Variants in DYNC2H1 observed in about 807,000 individuals in gnomAD.
DYNC2H1 encodes dynein cytoplasmic 2 heavy chain 1.
In DYNC2H1, 410 loss-of-function variants were observed where a neutral mutation model predicts 570.0. The ratio of observed to expected loss-of-function variants is 0.72; its 90% CI spans 0.66 to 0.78. The LOEUF (loss-of-function observed/expected upper bound fraction) is 0.78. Among genes scored for constraint, DYNC2H1 ranks in the 30% least tolerant of loss-of-function variants. DYNC2H1 has a pLI of 0.00. For synonymous variants in DYNC2H1, 1,688 were observed against 1,677.6 expected, an observed-to-expected ratio of 1.01 and a Z score of -0.15; for missense variants, 4,865 against 5,046.4, an observed-to-expected ratio of 0.96 and a Z score of 1.09.
rs1460765042 is a variant in DYNC2H1, at chr11:103,163,162, G to T, written c.4611+15G>T. The stretch of plus-strand genomic sequence containing the variant: ...TCCCTTCACAGGTAAGGGGGCTTAC[G>T]TGTAGAAGCTACATAGGCATGGAAC... On this transcript the variant is annotated intron_variant, in intron 30 of 88. Coordinates refer to ENST00000375735, the MANE Select transcript of DYNC2H1 (RefSeq NM_001377.3). This position sits in a 1 kb window ranked among gnomAD's most constrained non-coding sequence, Gnocchi z 4.6. The T allele has an allele frequency of 3.7e-6, 6 of 1,604,350 alleles. No individual in the cohort carries two copies. Among genetic ancestry groups the T allele is most frequent in the Admixed American group, 1.7e-5 (1 of 59,384 alleles).
At position 103,432,169 on chromosome 11, in the gene DYNC2H1, T is replaced by C. The variant is rs550658688; in HGVS notation, c.12367-3774T>C. On this transcript the variant is annotated intron_variant, in intron 84 of 88. Transcript: ENST00000375735. ...GTTGTCATATAAAATCCACTTTTGA[T>C]TGTATATCACAATCCGACTGACAAA... Among the ~76,000 whole-genome samples the C allele has an allele frequency of 8.8e-4, 134 of 152,122 alleles. 1 individual carries two copies. The highest frequency in any genetic ancestry group is 1.7e-3 in the Non-Finnish European group (113 of 68,026).
At chr11:103,301,108 A>G (rs748117627) in intron 75 of DYNC2H1, among the ~76,000 whole-genome samples, 2 of 151,902 alleles carry the variant, frequency 1.3e-5, no homozygotes, top group Non-Finnish European at 2.9e-5. Context: ...ATACATTACA[A>G]TATGGAATTA....
Position 103,342,518 on chromosome 11 carries a change from T to C in DYNC2H1, c.12040-15725T>C, listed in dbSNP as rs1939511519. ...TTGAGTCTGTGCCACCTTTTTTTTT[T>C]TTGAGATGGGGGCTCGCTCTGTTGC... On this transcript the variant is annotated intron_variant, in intron 82 of 88. Transcript: ENST00000375735. Among the ~76,000 whole-genome samples, 3 of 151,994 alleles carry C rather than the reference T, an allele frequency of 2.0e-5. 1 individual carries two copies. In the South Asian group the frequency reaches 6.2e-4, roughly 32 times the overall value.
At chr11:103,323,817 C>T in intron 81 of DYNC2H1, 69 bp from the exon 82 acceptor site, 1 of 1,152,556 alleles carries the variant, frequency 8.7e-7, no homozygotes. Flanking sequence ...AGTATTCTTT[C>T]TTATTTCAAT....
intron 84 of DYNC2H1, among the ~76,000 whole-genome samples, chr11:103,416,312 TAATA>T (rs1462690078): frequency 6.6e-6 from 1 of 151,812 alleles, no homozygotes; most frequent in Non-Finnish European, 1.5e-5. Flanking sequence ...TAATAATTAA[TAATA>T]AAAAAGAAAA....
intron 77 of DYNC2H1, 28 bp from the exon 78 acceptor site, chr11:103,307,693 A>G (rs774801429): frequency 5.4e-6 from 7 of 1,295,158 alleles, no homozygotes; most frequent in Non-Finnish European, 3.2e-6. Context: ...TATTTAAGTA[A>G]ATTTTTGTCA....
At chr11:103,477,592 G>A (rs1385580839) in intron 88 of DYNC2H1, among the ~76,000 whole-genome samples, 1 of 151,988 alleles carries the variant, frequency 6.6e-6, no homozygotes. Flanking sequence ...AGCACTTTGG[G>A]AGGCCGAGGC....
In DYNC2H1 at chr11:103,198,024, A is replaced by T; in HGVS notation, c.7800A>T (p.Gly2600=). 1 of 1,554,022 alleles carries T rather than the reference A, an allele frequency of 6.4e-7. No homozygotes were observed. Residue 2600 remains glycine, a synonymous_variant, in exon 48 of 89, where the codon GGA becomes GGT. Coordinates refer to ENST00000375735, the MANE Select transcript of DYNC2H1 (RefSeq NM_001377.3). ...TACCTCCACATGGAAAACCACTTGGAAAACTAAACTCTACTGATCTCAAGG... is the reference window on the plus strand; with the variant it reads ...TACCTCCACATGGAAAACCACTTGGTAAACTAAACTCTACTGATCTCAAGG... The part of the protein sequence containing the change: ...QPLPPHGKPL[G]KLNSTDLKDV...
In DYNC2H1 at chr11:103,201,949, A is replaced by G. The variant is rs1392638196; in HGVS notation, c.8198-1714A>G. 2.6e-5 allele frequency among the ~76,000 whole-genome samples: 4 copies of G among 152,306 alleles called. No homozygotes were observed. Among genetic ancestry groups the G allele is most frequent in the Admixed American group, 6.5e-5 (1 of 15,298 alleles). ...TGTGGGGATCAAAGGACAAAGTTAT[A>G]TGAACTCATTTTCAACTCAGTTTTC... On this transcript the variant is annotated intron_variant, in intron 50 of 88. Transcript: ENST00000375735. The surrounding 1 kb of genome is among the most constrained non-coding windows in gnomAD (Gnocchi z 4.8).
At chr11:103,404,375 T>A (rs1942775257) in intron 84 of DYNC2H1, 2 of 151,368 alleles carry the variant, frequency 1.3e-5, no homozygotes, top group South Asian at 4.2e-4. Flanking sequence ...AAAGTCACTC[T>A]AAATTAGTAG....
intron 79 of DYNC2H1, among the ~76,000 whole-genome samples, chr11:103,313,512 C>T (rs775276625): frequency 2.0e-5 from 3 of 152,162 alleles, no homozygotes; most frequent in Admixed American, 2.0e-4. Flanking sequence ...CTTTCCCCCT[C>T]ATGCTGCTCC....
rs187777169 is a variant in DYNC2H1 at position 103,167,452 on chromosome 11, G to A, written c.4763-1303G>A. Among the ~76,000 whole-genome samples the A allele has an allele frequency of 4.6e-3, 699 of 151,958 alleles. 13 individuals are homozygous for A. Among genetic ancestry groups the A allele is most frequent in the Non-Finnish European group, 3.4e-3 (230 of 67,942 alleles). ...CTGGCTGACTTTTTTATTTTTTGTA[G>A]AGACATGGTTTTGCCATGTTGCCCG... On this transcript the variant is annotated intron_variant, in intron 31 of 88. Coordinates refer to ENST00000375735, the MANE Select transcript of DYNC2H1 (RefSeq NM_001377.3).
rs1863610916 is a variant in DYNC2H1 at position 103,222,127 on chromosome 11, A to G, written c.9205A>G (p.Lys3069Glu). The G allele has an allele frequency of 6.3e-7, 1 of 1,581,948 alleles. No homozygotes were observed. The highest frequency in any genetic ancestry group is 1.4e-5 in the African/African-American group (1 of 73,744). ...IRESVEELLF[K>E]NKGSFDPKNA... ...AGAGAGTGTTGAAGAACTTCTTTTT[A>G]AAAATAAAGGCTCTTTTGATCCAAA... The change falls in exon 58 of 89, where the codon AAA (lysine) becomes GAA (glutamate). Residue 3069 changes from lysine (K) to glutamate (E), a missense_variant. This residue lies in a region of DYNC2H1 where 2,401 missense variants were observed against 2,454.6 expected (regional missense o/e 0.98). Transcript: ENST00000375735.
chr11:103,389,722 A>C (rs976314327), intron 83 of DYNC2H1, among the ~76,000 whole-genome samples: 1 of 151,700 alleles, frequency 6.6e-6, no homozygotes, highest in African/African-American at 2.4e-5. Flanking sequence ...GTTTCAAAGA[A>C]CATCTTTATT....
chr11:103,227,942 CTT>C (rs2135173946), intron 59 of DYNC2H1, among the ~76,000 whole-genome samples: 1 of 152,222 alleles, frequency 6.6e-6, no homozygotes, highest in African/African-American at 2.4e-5. Flanking sequence ...TAATGTCCCT[CTT>C]TGTCTTTTTT....
At chr11:103,193,476 T>C (rs613216) in intron 47 of DYNC2H1, among the ~76,000 whole-genome samples, 4,727 of 152,198 alleles carry the variant, frequency 0.031, 244 homozygotes, top group African/African-American at 0.11. Flanking sequence ...ACTCAATAAA[T>C]AAAATATGTC....
rs370946164 is a variant in DYNC2H1, at chr11:103,326,337, T to C, written c.12039+2347T>C. 3.3e-5 allele frequency among the ~76,000 whole-genome samples: 5 copies of C among 152,142 alleles called. No individual in the cohort carries two copies. Among genetic ancestry groups the C allele is most frequent in the African/African-American group, 1.2e-4 (5 of 41,438 alleles). On this transcript the variant is annotated intron_variant, in intron 82 of 88. Transcript: ENST00000375735. This position sits in a 1 kb window ranked among gnomAD's most constrained non-coding sequence, Gnocchi z 6.1. ...CCTTCCCCGGGTTTCTTTTGCTATG[T>C]GTTCGGGGTGGTTGGGCTCCCTCTG...
intron 70 of DYNC2H1, among the ~76,000 whole-genome samples, chr11:103,271,900 G>A (rs600838): frequency 0.055 from 8,423 of 152,174 alleles, 312 homozygotes; most frequent in East Asian, 0.13. Flanking sequence ...TTAGAATGGC[G>A]ATCATTAAAA....
rs1375200693 is a variant in DYNC2H1 at position 103,204,204 on chromosome 11, C to T, written c.8311+428C>T. The stretch of plus-strand genomic sequence containing the variant: ...TATCATGAGAATAGCATGGGAAATA[C>T]CTGCCCCGCTCCATGATTCAATCAT... On this transcript the variant is annotated intron_variant, in intron 51 of 88. Coordinates refer to ENST00000375735, the MANE Select transcript of DYNC2H1 (RefSeq NM_001377.3). This position sits in a 1 kb window ranked among gnomAD's most constrained non-coding sequence, Gnocchi z 4.1. 6.6e-6 allele frequency among the ~76,000 whole-genome samples: 1 copy of T among 152,088 alleles called. No homozygotes were observed. Among genetic ancestry groups the T allele is most frequent in the South Asian group, 2.1e-4 (1 of 4,812 alleles).
Sources: allele counts gnomAD v4.1 joint callset (sites outside exome capture counted in the v4.1 genomes callset), GRCh38; gene constraint gnomAD v4.1.1; regional missense constraint gnomAD v4.1.1; non-coding constraint Gnocchi (gnomAD v3.1); transcripts MANE v1.5; gene names NCBI Gene and HGNC (gene_info 2026-07-23, HGNC 2026-07-21).